Variants in PIKFYVE observed in about 807,000 individuals in gnomAD.
PIKFYVE encodes the protein phosphoinositide kinase, FYVE-type zinc finger containing, also known as 1-phosphatidylinositol 3-phosphate 5-kinase.
A neutral mutation model predicts 257.9 loss-of-function variants in PIKFYVE; 122 were observed. The ratio of observed to expected loss-of-function variants is 0.47; its 90% CI spans 0.41 to 0.55. The LOEUF is 0.55. Among genes scored for constraint, PIKFYVE ranks in the 20% least tolerant of loss-of-function variants. The probability of loss-of-function intolerance (pLI) is 0.00; values close to 1 mark genes in which losing one functional copy is unlikely to be tolerated. For synonymous variants in PIKFYVE, 892 were observed against 868.9 expected, an observed-to-expected ratio of 1.03 and a Z score of -0.47; for missense variants, 2,160 against 2,536.6, an observed-to-expected ratio of 0.85 and a Z score of 3.19.
At chr2:208,329,813 AT>A (rs767005700) in intron 21 of PIKFYVE, 28 bp from the exon 22 acceptor site, 3 of 1,608,482 alleles carry the variant, frequency 1.9e-6, no homozygotes, top group African/African-American at 2.7e-5. Context: ...GGTAATTCTT[AT>A]GTTTCTAAGA....
chr2:208,311,228 A>G (rs754276775), intron 12 of PIKFYVE, among the ~76,000 whole-genome samples: 1 of 152,178 alleles, frequency 6.6e-6, no homozygotes, highest in Non-Finnish European at 1.5e-5. Flanking sequence ...TAATTGAACT[A>G]ATAGGATTTG....
At chr2:208,331,534 G>T (rs929604236) in intron 23 of PIKFYVE, among the ~76,000 whole-genome samples, 1 of 152,056 alleles carries the variant, frequency 6.6e-6, no homozygotes, top group Non-Finnish European at 1.5e-5. Context: ...GCGCCACTAT[G>T]CCCAGCTAAT....
chr2:208,274,973 C>G (rs2125035411), intron 3 of PIKFYVE, among the ~76,000 whole-genome samples: 1 of 152,280 alleles, frequency 6.6e-6, no homozygotes. Context: ...GTATTATGAT[C>G]AACTTGAACT....
At chr2:208,269,111 G>A (rs1689075546) in intron 1 of PIKFYVE, among the ~76,000 whole-genome samples, 1 of 152,126 alleles carries the variant, frequency 6.6e-6, no homozygotes, top group Non-Finnish European at 1.5e-5. Flanking sequence ...AGGATTGTAA[G>A]AGTAAAATGA....
At position 208,354,166 on chromosome 2, in the gene PIKFYVE, C is replaced by A; in HGVS notation, c.6106+7C>A. 1 of 1,611,622 alleles carries A rather than the reference C, an allele frequency of 6.2e-7. No homozygotes were observed. Among genetic ancestry groups the A allele is most frequent in the South Asian group, 1.1e-5 (1 of 90,992 alleles). ...CTAGTAGTTGGAATTATAGGTAAGT[C>A]AATGAGTACCCTGCTTATATTTCAT... On this transcript the variant is annotated splice_region_variant and intron_variant, in intron 40 of 41. Transcript: ENST00000264380.
chr2:208,347,760 A>C (rs758155896), intron 34 of PIKFYVE, 99 bp from the exon 35 acceptor site: 9 of 1,000,856 alleles, frequency 9.0e-6, no homozygotes, highest in Non-Finnish European at 9.2e-6. Flanking sequence ...GATTAGCTTC[A>C]TATAGTGGTT....
chr2:208,317,940 A>G lies in PIKFYVE; in HGVS notation c.2081A>G (p.Lys694Arg). The G allele has an allele frequency of 3.7e-6, 6 of 1,613,168 alleles. No individual in the cohort carries two copies. Among genetic ancestry groups the G allele is most frequent in the Non-Finnish European group, 5.1e-6 (6 of 1,179,114 alleles). ...TGTACCAAGAACATTGCACATAAAA[A>G]GGTAATGTGATTCAGTTCAGCAGTG... Reference protein sequence around the residue: ...FVCTKNIAHKKMSSCIKNPKI... With the variant: ...FVCTKNIAHKRMSSCIKNPKI... Residue 694 changes from lysine to arginine, a missense_variant and splice_region_variant, in exon 16 of 42, where the codon AAG becomes AGG. Coordinates refer to ENST00000264380, the MANE Select transcript of PIKFYVE (RefSeq NM_015040.4).
chr2:208,267,950 G>A (rs1688885245), intron 1 of PIKFYVE, among the ~76,000 whole-genome samples: 1 of 152,158 alleles, frequency 6.6e-6, no homozygotes, highest in Non-Finnish European at 1.5e-5. Flanking sequence ...GGCCTTTACT[G>A]ACTGGCTTCT....
intron 32 of PIKFYVE, 146 bp downstream of exon 32, chr2:208,342,795 T>TTTA (rs71412493): frequency 2.6e-4 from 28 of 105,806 alleles, no homozygotes; most frequent in Admixed American, 2.3e-3. Flanking sequence ...TAGCTTGTTC[T>TTTA]TTTTTTTTTT....
chr2:208,352,927 G>C, intron 39 of PIKFYVE, 145 bp downstream of exon 39: 1 of 1,014,116 alleles, frequency 9.9e-7, no homozygotes. Flanking sequence ...CTTTTGACTT[G>C]CTCAGCCTTG....
intron 24 of PIKFYVE, among the ~76,000 whole-genome samples, chr2:208,333,940 G>A (rs1350219715): frequency 2.0e-5 from 3 of 152,154 alleles, no homozygotes; most frequent in African/African-American, 7.2e-5. Flanking sequence ...ATCATGTCGG[G>A]CCCTGGCCTA....
rs764124385 is a variant in PIKFYVE at position 208,328,035 on chromosome 2, A to G, written c.3619-145A>G. 277 of 1,474,292 alleles carry G rather than the reference A, an allele frequency of 1.9e-4. 1 individual carries two copies. Among genetic ancestry groups the G allele is most frequent in the Non-Finnish European group, 2.4e-4 (263 of 1,093,702 alleles). 91.3% of individuals were successfully genotyped at this position (1,474,292 alleles called of 1,614,324 possible). On this transcript the variant is annotated intron_variant, in intron 20 of 41. Transcript: ENST00000264380. ...TCAAAAACCAACTGCCCTTCCTTATATTTAGTTTTCTGTAGTTTTAAATCT... is the reference window on the plus strand; with the variant it reads ...TCAAAAACCAACTGCCCTTCCTTATGTTTAGTTTTCTGTAGTTTTAAATCT...
chr2:208,311,249 T>G (rs1322387679), intron 12 of PIKFYVE, among the ~76,000 whole-genome samples: 1 of 152,176 alleles, frequency 6.6e-6, no homozygotes, highest in Non-Finnish European at 1.5e-5. Flanking sequence ...GTGTTACTCA[T>G]TCCTGTGAGG....
At chr2:208,315,868 T>G (rs6724310) in intron 15 of PIKFYVE, among the ~76,000 whole-genome samples, 147,649 of 149,982 alleles carry the variant, frequency 0.98, 72,712 homozygotes, top group East Asian at 1. Flanking sequence ...TTTATGTCTC[T>G]TTCTTTTTTT....
Position 208,317,851 on chromosome 2 carries a change from T to G in PIKFYVE, c.2008-16T>G. The G allele has an allele frequency of 6.3e-7, 1 of 1,599,036 alleles. No homozygotes were observed. The highest frequency in any genetic ancestry group is 8.6e-7 in the Non-Finnish European group (1 of 1,166,190). On this transcript the variant is annotated splice_polypyrimidine_tract_variant and intron_variant, in intron 15 of 41. Transcript: ENST00000264380. Reference sequence around the variant, plus strand: ...GTTATCATTGAATTTTATTGTTTTCTTAATTGTTCCATTAGATCCCAGGTG... The same window carrying G: ...GTTATCATTGAATTTTATTGTTTTCGTAATTGTTCCATTAGATCCCAGGTG...
intron 36 of PIKFYVE, among the ~76,000 whole-genome samples, chr2:208,350,372 C>T (rs533142806): frequency 9.5e-4 from 145 of 151,990 alleles, no homozygotes; most frequent in African/African-American, 3.3e-3. Flanking sequence ...TTGACAGTTG[C>T]ATTTAGAATT....
intron 1 of PIKFYVE, among the ~76,000 whole-genome samples, chr2:208,270,992 C>T (rs1477668121): frequency 2.0e-5 from 3 of 150,424 alleles, no homozygotes; most frequent in South Asian, 2.1e-4. Context: ...GCCAGGATCA[C>T]GCCACTGCAC....
chr2:208,329,740 G>GT, intron 21 of PIKFYVE, 102 bp from the exon 22 acceptor site: 2 of 1,531,584 alleles, frequency 1.3e-6, no homozygotes, highest in South Asian at 1.2e-5. Context: ...ATACTTCATT[G>GT]TAAGTACCAT....
intron 7 of PIKFYVE, among the ~76,000 whole-genome samples, chr2:208,295,554 T>C (rs1287272055): frequency 3.3e-5 from 5 of 152,226 alleles, no homozygotes; most frequent in Admixed American, 6.5e-5. Flanking sequence ...ACCAGTTGTT[T>C]AGTAAAATGC....
Sources: allele counts gnomAD v4.1 joint callset (sites outside exome capture counted in the v4.1 genomes callset), GRCh38; gene constraint gnomAD v4.1.1; transcripts MANE v1.5; gene names NCBI Gene and HGNC (gene_info 2026-07-23, HGNC 2026-07-21).